CCDC33: variants seen among roughly 807,000 people sequenced by gnomAD.
The protein encoded by CCDC33 is coiled-coil domain containing 33.
A neutral mutation model predicts 91.9 loss-of-function variants in CCDC33; 94 were observed. That is an observed-to-expected ratio of 1.02 (90% CI 0.87 to 1.21). The LOEUF is 1.21. Ranked by LOEUF, CCDC33 falls within the 50% of genes most tolerant of loss-of-function variation. The pLI is 0.00. For missense variants in CCDC33, 940 were observed against 935.5 expected (o/e 1.00, Z -0.06); for synonymous variants, 396 against 374.5 (o/e 1.06, Z -0.66).
intron 2 of CCDC33, among the ~76,000 whole-genome samples, chr15:74,222,518 T>C (rs1294161447): frequency 8.2e-6 from 1 of 121,942 alleles, no homozygotes; most frequent in Non-Finnish European, 1.7e-5. Flanking sequence ...GGTTGTTTTT[T>C]TTTTCTTTTT....
chr15:74,335,007 GA>G lies in CCDC33; in HGVS notation c.2060del (p.Lys687SerfsTer24), dbSNP rs771456541. 1 of 1,614,138 alleles carries G rather than the reference GA, an allele frequency of 6.2e-7. No homozygotes were observed. Among genetic ancestry groups the G allele is most frequent in the South Asian group, 1.1e-5 (1 of 91,090 alleles). Reference sequence around the variant, plus strand: ...ACTCAGCTCGACGCTGGGGACGAGAGAAGCAGGATCTGGCCACACGGCTGCA... The same window carrying G: ...ACTCAGCTCGACGCTGGGGACGAGAGAGCAGGATCTGGCCACACGGCTGCA... The part of the protein sequence containing the change: ...EDSARRWGRE[K>X]QDLATRLQEQ... On this transcript the variant is annotated frameshift_variant, in exon 18 of 19. Coordinates refer to ENST00000398814, the MANE Select transcript of CCDC33 (RefSeq NM_025055.5). LOFTEE classifies it high-confidence loss of function.
chr15:74,331,046 G>A lies in CCDC33; in HGVS notation c.1611G>A (p.Leu537=), dbSNP rs562112957. 1.9e-6 allele frequency: 3 copies of A among 1,613,216 alleles called. No homozygotes were observed. The highest frequency in any genetic ancestry group is 4.5e-5 in the East Asian group (2 of 44,858). ...YQAQQPQAAL[L]KQYQGKLQKM... ...CCCAGCAGCCACAGGCCGCTCTGCT[G>A]AAGCAGTACCAGGGCAAGCTGCAGA... Residue 537 remains leucine, a synonymous_variant, in exon 14 of 19, where the codon CTG becomes CTA. Transcript: ENST00000398814.
At chr15:74,320,728 C>G (rs967851489) in intron 11 of CCDC33, among the ~76,000 whole-genome samples, 1 of 152,192 alleles carries the variant, frequency 6.6e-6, no homozygotes, top group African/African-American at 2.4e-5. Flanking sequence ...CCTCACCTCC[C>G]TAACCCTGCC....
At chr15:74,271,681 C>CCTCCT (rs752091132) in intron 5 of CCDC33, 22 bp from the exon 6 acceptor site, 7 of 1,591,316 alleles carry the variant, frequency 4.4e-6, no homozygotes, top group South Asian at 2.2e-5. Context: ...TGTTCACCTG[C>CCTCCT]CTCCTCTCCT....
chr15:74,280,117 A>G, intron 8 of CCDC33, 25 bp downstream of exon 8: 2 of 1,613,290 alleles, frequency 1.2e-6, no homozygotes, highest in Non-Finnish European at 1.7e-6. Flanking sequence ...GTGCCTCGCC[A>G]GGGCAGCCAT....
chr15:74,326,858 G>A (rs1436746394), intron 11 of CCDC33, among the ~76,000 whole-genome samples: 2 of 152,176 alleles, frequency 1.3e-5, no homozygotes, highest in Non-Finnish European at 2.9e-5. Context: ...TCTGGGCCAT[G>A]GTGTCCTTCC....
intron 2 of CCDC33, among the ~76,000 whole-genome samples, chr15:74,253,529 G>C: frequency 6.6e-6 from 1 of 152,030 alleles, no homozygotes; most frequent in African/African-American, 2.4e-5. Context: ...TGATCTCCTC[G>C]TTCCCCCCCT....
intron 2 of CCDC33, among the ~76,000 whole-genome samples, chr15:74,229,088 C>G (rs2074891555): frequency 6.6e-6 from 1 of 152,198 alleles, no homozygotes. Context: ...TCACCCCCAC[C>G]CCCAGGCTCC....
intron 6 of CCDC33, 94 bp downstream of exon 6, chr15:74,271,888 G>A (rs1371613317): frequency 2.8e-6 from 3 of 1,089,470 alleles, no homozygotes; most frequent in African/African-American, 3.1e-5. Flanking sequence ...CTGATTCCAG[G>A]ACCTCCGGCA....
At chr15:74,280,164 C>T in intron 8 of CCDC33, 72 bp downstream of exon 8, 2 of 1,559,878 alleles carry the variant, frequency 1.3e-6, no homozygotes, top group South Asian at 2.3e-5. Flanking sequence ...GGTGTTCAGA[C>T]CATCCCACCT....
At chr15:74,317,418 A>G (rs541082333) in intron 11 of CCDC33, among the ~76,000 whole-genome samples, 1 of 152,156 alleles carries the variant, frequency 6.6e-6, no homozygotes, top group Non-Finnish European at 1.5e-5. Context: ...TGAGGCCTGC[A>G]AATGAGAAAA....
intron 2 of CCDC33, among the ~76,000 whole-genome samples, chr15:74,254,040 T>A (rs1227305867): frequency 6.6e-6 from 1 of 151,978 alleles, no homozygotes; most frequent in Non-Finnish European, 1.5e-5. Context: ...TATTTTATTT[T>A]TTTATTTTTT....
At position 74,332,781 on chromosome 15, in the gene CCDC33, G is replaced by A. The variant is rs374632000; in HGVS notation, c.1874G>A (p.Arg625Gln). 7.4e-6 allele frequency: 12 copies of A among 1,614,078 alleles called. No homozygotes were observed. The highest frequency in any genetic ancestry group is 2.2e-5 in the East Asian group (1 of 44,894). ...CTGCTGGCAGAAAACGCGAAGCTGCGGACGGAGCTGGATAAGAACCGCCAC... is the reference window on the plus strand; with the variant it reads ...CTGCTGGCAGAAAACGCGAAGCTGCAGACGGAGCTGGATAAGAACCGCCAC... ...SVLLAENAKL[R>Q]TELDKNRHQQ... is the part of the protein sequence containing the mutation. Residue 625 changes from arginine (R) to glutamine (Q), a missense_variant, in exon 16 of 19, where the codon CGG (arginine) becomes CAG (glutamine). By Grantham distance (43) the Arg-to-Gln change is conservative (BLOSUM62 1). Transcript: ENST00000398814.
At chr15:74,264,619 C>T (rs2076120064) in intron 3 of CCDC33, among the ~76,000 whole-genome samples, 1 of 152,160 alleles carries the variant, frequency 6.6e-6, no homozygotes. Context: ...CACAGCTCCT[C>T]GTGGTGCTTT....
intron 11 of CCDC33, among the ~76,000 whole-genome samples, chr15:74,305,296 T>C (rs1184641114): frequency 6.6e-6 from 1 of 152,052 alleles, no homozygotes; most frequent in African/African-American, 2.4e-5. Flanking sequence ...CTTCTAAGGG[T>C]TGAATACTTT....
At chr15:74,271,066 C>G (rs1170740906) in intron 5 of CCDC33, among the ~76,000 whole-genome samples, 1 of 152,062 alleles carries the variant, frequency 6.6e-6, no homozygotes, top group African/African-American at 2.4e-5. Flanking sequence ...CCAGTACTTC[C>G]TGGGGAAACC....
intron 11 of CCDC33, among the ~76,000 whole-genome samples, chr15:74,297,714 GA>G (rs773123824): frequency 3.3e-5 from 5 of 151,946 alleles, no homozygotes; most frequent in Non-Finnish European, 7.4e-5. Flanking sequence ...CAAAATAAAA[GA>G]AAAAACAGGC....
At chr15:74,265,325 C>T (rs2076137787) in intron 3 of CCDC33, among the ~76,000 whole-genome samples, 1 of 152,198 alleles carries the variant, frequency 6.6e-6, no homozygotes, top group Non-Finnish European at 1.5e-5. Context: ...CCCATCCTCC[C>T]TTTCCTGTTC....
intron 2 of CCDC33, chr15:74,221,170 T>A: frequency 1.0e-6 from 1 of 972,310 alleles, no homozygotes; most frequent in Non-Finnish European, 1.2e-6. Context: ...AGAACTTGGT[T>A]GTAGGCTCAC....
Sources: gnomAD v4.1 joint callset for allele counts (sites outside exome capture counted in the v4.1 genomes callset) on GRCh38, gnomAD v4.1.1 for gene constraint, MANE v1.5 for transcripts, NCBI Gene and HGNC (gene_info 2026-07-23, HGNC 2026-07-21) for gene names.